Variants in IPCEF1 observed in about 807,000 individuals in gnomAD.
The protein encoded by IPCEF1 is interaction protein for cytohesin exchange factors 1.
IPCEF1 carries 31 observed loss-of-function variants against 50.9 expected under a neutral mutation model. That is an observed-to-expected ratio of 0.61 (90% CI 0.46 to 0.82). The LOEUF (loss-of-function observed/expected upper bound fraction) is 0.82. Among genes scored for constraint, IPCEF1 ranks in the 40% least tolerant of loss-of-function variants. IPCEF1 has a pLI of 0.00. For missense variants in IPCEF1, 458 were observed against 514.0 expected (o/e 0.89, Z 1.05); for synonymous variants, 181 against 192.0 (o/e 0.94, Z 0.47).
chr6:154,286,172 C>A (rs1782354324), intron 2 of IPCEF1, among the ~76,000 whole-genome samples: 1 of 151,962 alleles, frequency 6.6e-6, no homozygotes, highest in African/African-American at 2.4e-5. Flanking sequence ...CTATGTCTGT[C>A]ACACACCAGG....
intron 9 of IPCEF1, among the ~76,000 whole-genome samples, chr6:154,202,884 C>T (rs939792514): frequency 3.9e-5 from 6 of 151,946 alleles, no homozygotes; most frequent in South Asian, 2.1e-4. Context: ...AGAAGAAACA[C>T]GAAGACTTGG....
intron 10 of IPCEF1, among the ~76,000 whole-genome samples, chr6:154,196,456 G>A (rs116231738): frequency 4.4e-4 from 67 of 152,130 alleles, no homozygotes; most frequent in African/African-American, 1.3e-3. Context: ...ATGACTCCCA[G>A]ATCAATTCTG....
intron 1 of IPCEF1, among the ~76,000 whole-genome samples, chr6:154,310,716 G>A (rs566474742): frequency 6.6e-6 from 1 of 152,162 alleles, no homozygotes; most frequent in African/African-American, 2.4e-5. Context: ...GGATGGAATT[G>A]AAGGACATTA....
At chr6:154,298,674 A>G (rs543385283) in intron 1 of IPCEF1, among the ~76,000 whole-genome samples, 1 of 152,286 alleles carries the variant, frequency 6.6e-6, no homozygotes, top group African/African-American at 2.4e-5. Context: ...ATAGGTTACC[A>G]ACATTATGGC....
chr6:154,221,496 AT>A (rs750467055), intron 6 of IPCEF1, among the ~76,000 whole-genome samples, 168 bp from the exon 7 acceptor site: 2 of 152,262 alleles, frequency 1.3e-5, no homozygotes, highest in East Asian at 1.9e-4. Context: ...TCTCTGTTTC[AT>A]ATAGAGAACT....
At chr6:154,166,722 G>A (rs1362441648) in intron 11 of IPCEF1, among the ~76,000 whole-genome samples, 1 of 152,022 alleles carries the variant, frequency 6.6e-6, no homozygotes, top group Admixed American at 6.5e-5. Context: ...TAAGAGTCAG[G>A]AAATACTTGC....
intron 1 of IPCEF1, among the ~76,000 whole-genome samples, chr6:154,339,939 G>A (rs773735201): frequency 7.2e-5 from 11 of 151,948 alleles, no homozygotes; most frequent in Non-Finnish European, 1.2e-4. Context: ...TGTAAATAAC[G>A]TCAGTAATGG....
intron 2 of IPCEF1, among the ~76,000 whole-genome samples, chr6:154,281,687 C>T (rs1413304396): frequency 6.6e-6 from 1 of 151,824 alleles, no homozygotes; most frequent in Non-Finnish European, 1.5e-5. Flanking sequence ...TGGTGAAACC[C>T]CGTCTCTACT....
At chr6:154,269,082 AT>A (rs1167868882) in intron 2 of IPCEF1, among the ~76,000 whole-genome samples, 5 of 152,104 alleles carry the variant, frequency 3.3e-5, no homozygotes, top group Non-Finnish European at 7.4e-5. Context: ...TTGGTCACTT[AT>A]TTGCTGCTGT....
rs1438563628 is a variant in IPCEF1 at position 154,265,980 on chromosome 6, T to G, written c.-17-16A>C. ...GAAACAAAAGCTAGAAGAGAAAAAA[T>G]GTTTTCAGTTAAATGTGAGATTAAA... On this transcript the variant is annotated splice_polypyrimidine_tract_variant and intron_variant, in intron 2 of 11. Transcript: ENST00000367220. 1.3e-6 allele frequency: 2 copies of G among 1,515,882 alleles called. No homozygotes were observed. 93.9% of individuals were successfully genotyped at this position (1,515,882 alleles called of 1,614,324 possible). A position where few individuals can be genotyped will look rare whatever the true frequency, so the allele number is the denominator to read the frequency against.
At chr6:154,254,779 AC>A (rs1781421387) in intron 3 of IPCEF1, among the ~76,000 whole-genome samples, 1 of 151,998 alleles carries the variant, frequency 6.6e-6, no homozygotes, top group Non-Finnish European at 1.5e-5. Flanking sequence ...CCATATGACT[AC>A]ATTTTGATTT....
chr6:154,318,677 C>G (rs746026662), intron 1 of IPCEF1, among the ~76,000 whole-genome samples: 1 of 144,906 alleles, frequency 6.9e-6, no homozygotes, highest in Admixed American at 7.1e-5. Flanking sequence ...CACACCACTG[C>G]GCTCCAGCCT....
At chr6:154,189,234 C>T (rs974163514) in intron 10 of IPCEF1, among the ~76,000 whole-genome samples, 1 of 152,162 alleles carries the variant, frequency 6.6e-6, no homozygotes, top group Non-Finnish European at 1.5e-5. Flanking sequence ...AATTCAGAAA[C>T]TCAACTTTAC....
intron 3 of IPCEF1, 61 bp downstream of exon 3, chr6:154,265,851 A>G: frequency 2.5e-6 from 3 of 1,191,868 alleles, no homozygotes; most frequent in Admixed American, 2.3e-5. Context: ...TCAACCTACT[A>G]TTTTACTCAT....
At chr6:154,189,967 G>A (rs9478514) in intron 10 of IPCEF1, among the ~76,000 whole-genome samples, 13,598 of 151,358 alleles carry the variant, frequency 0.09, 888 homozygotes, top group African/African-American at 0.18. Context: ...ACATCACACC[G>A]TACCACATTA....
chr6:154,221,838 C>A (rs1562550773), intron 6 of IPCEF1, among the ~76,000 whole-genome samples: 1 of 152,278 alleles, frequency 6.6e-6, no homozygotes, highest in East Asian at 1.9e-4. Flanking sequence ...CATGCCACTG[C>A]ACTCCAGTCT....
At chr6:154,273,142 T>C (rs1259159340) in intron 2 of IPCEF1, among the ~76,000 whole-genome samples, 1 of 152,240 alleles carries the variant, frequency 6.6e-6, no homozygotes, top group East Asian at 1.9e-4. Context: ...AACTAAAACG[T>C]TTAAAACCCA....
chr6:154,184,817 G>C (rs1801197628), intron 10 of IPCEF1, among the ~76,000 whole-genome samples: 1 of 152,000 alleles, frequency 6.6e-6, no homozygotes, highest in African/African-American at 2.4e-5. Context: ...TTTCTAGATT[G>C]TTTGAGATTT....
At chr6:154,349,400 A>G (rs1330926707) in intron 1 of IPCEF1, among the ~76,000 whole-genome samples, 1 of 150,692 alleles carries the variant, frequency 6.6e-6, no homozygotes, top group Non-Finnish European at 1.5e-5. Context: ...TTATTTATTT[A>G]TTTTAGTACA....
Sources: gnomAD v4.1 joint callset for allele counts (sites outside exome capture counted in the v4.1 genomes callset) on GRCh38, gnomAD v4.1.1 for gene constraint, MANE v1.5 for transcripts, NCBI Gene and HGNC (gene_info 2026-07-23, HGNC 2026-07-21) for gene names.